The following TMEM17 variants were observed in gnomAD, a reference collection of about 807,000 sequenced individuals.
The protein encoded by TMEM17 is transmembrane protein 17.
Under a neutral mutation model 19.1 loss-of-function variants are expected in TMEM17, and 15 were observed. The observed-to-expected ratio is 0.78, with a 90% CI of 0.52 to 1.21. The LOEUF (loss-of-function observed/expected upper bound fraction) is 1.21. TMEM17 is among the 50% of genes most tolerant of loss of function. TMEM17 has a pLI of 0.00. For missense variants in TMEM17, 245 were observed against 242.3 expected (o/e 1.01, Z -0.07); for synonymous variants, 103 against 86.9 (o/e 1.19, Z -1.03).
At chr2:62,494,966 G>A in the TMEM17 span, among the ~76,000 whole-genome samples, 2 of 152,200 alleles carry the variant, frequency 1.3e-5, no homozygotes, top group African/African-American at 4.8e-5. Context: ...AGTGAGCCAA[G>A]ATCGTGCCAC....
At position 62,501,126 on chromosome 2, in the gene TMEM17, T is replaced by C. The variant is rs1390670724; in HGVS notation, c.*83A>G. 6.8e-7 allele frequency: 1 copy of C among 1,469,052 alleles called. No individual in the cohort carries two copies. Among genetic ancestry groups the C allele is most frequent in the Admixed American group, 2.1e-5 (1 of 47,594 alleles). 91.0% of individuals were successfully genotyped at this position (1,469,052 alleles called of 1,614,324 possible). On this transcript the variant is annotated 3_prime_UTR_variant, in exon 4 of 4. Transcript: ENST00000335390. The stretch of plus-strand genomic sequence containing the variant: ...TATACAATTCAAAACACTTGCTTTG[T>C]CCCTTTTCTCAGAGCTCTGATATTT...
the TMEM17 span, among the ~76,000 whole-genome samples, chr2:62,472,228 CA>C: frequency 6.6e-6 from 1 of 152,182 alleles, no homozygotes; most frequent in Non-Finnish European, 1.5e-5. Flanking sequence ...TATTTTCCAA[CA>C]AAAGCTCTGA....
chr2:62,471,765 G>C, the TMEM17 span, among the ~76,000 whole-genome samples: 1 of 152,254 alleles, frequency 6.6e-6, no homozygotes, highest in African/African-American at 2.4e-5. Context: ...TGGAAGCCAG[G>C]GTAGAAACAT....
chr2:62,481,804 T>C, the TMEM17 span, among the ~76,000 whole-genome samples: 1 of 151,972 alleles, frequency 6.6e-6, no homozygotes, highest in African/African-American at 2.4e-5. Context: ...CTATCGTCTT[T>C]GTGTCTAGTG....
the TMEM17 span, among the ~76,000 whole-genome samples, chr2:62,485,921 G>A: frequency 1.1e-3 from 162 of 152,242 alleles, 3 homozygotes; most frequent in African/African-American, 3.2e-3. Context: ...AGATTTGCAC[G>A]GAATTGACCT....
the TMEM17 span, among the ~76,000 whole-genome samples, chr2:62,466,712 C>G: frequency 4.6e-5 from 7 of 152,202 alleles, no homozygotes; most frequent in East Asian, 9.6e-4. Flanking sequence ...GGGACTGCAG[C>G]CTGGCAGGGC....
At chr2:62,470,958 A>G in the TMEM17 span, among the ~76,000 whole-genome samples, 1,739 of 152,320 alleles carry the variant, frequency 0.011, 36 homozygotes, top group African/African-American at 0.04. Flanking sequence ...AGTGAGATGT[A>G]GGTCCTCTCC....
chr2:62,477,979 C>G, the TMEM17 span, among the ~76,000 whole-genome samples: 38 of 152,312 alleles, frequency 2.5e-4, no homozygotes, highest in African/African-American at 8.9e-4. Context: ...TGCCTGGATC[C>G]TACAGCTCCC....
the TMEM17 span, among the ~76,000 whole-genome samples, chr2:62,480,937 T>C: frequency 6.6e-6 from 1 of 152,120 alleles, no homozygotes; most frequent in African/African-American, 2.4e-5. Context: ...GATTTTTTTT[T>C]CCATTTCTGT....
the TMEM17 span, among the ~76,000 whole-genome samples, chr2:62,457,334 G>A: frequency 1.8e-4 from 28 of 152,202 alleles, no homozygotes; most frequent in Non-Finnish European, 5.9e-5. The surrounding 1 kb of genome is among the most constrained non-coding windows in gnomAD (Gnocchi z 4.2). Context: ...AGCCAGGAGT[G>A]GACGGTTGCG....
chr2:62,476,857 G>GC, the TMEM17 span, among the ~76,000 whole-genome samples: 1 of 152,270 alleles, frequency 6.6e-6, no homozygotes, highest in South Asian at 2.1e-4. Flanking sequence ...CTGAGACTGA[G>GC]CCCCACAAGG....
the TMEM17 span, among the ~76,000 whole-genome samples, chr2:62,461,352 G>A: frequency 2.0e-5 from 3 of 152,176 alleles, no homozygotes; most frequent in African/African-American, 4.8e-5. Flanking sequence ...GCCCTCAGCC[G>A]CAGGCTCTGC....
chr2:62,460,924 G>T, the TMEM17 span, among the ~76,000 whole-genome samples: 1 of 152,226 alleles, frequency 6.6e-6, no homozygotes, highest in Non-Finnish European at 1.5e-5. Context: ...ACATTCAAAT[G>T]GCTGGCTAAC....
chr2:62,506,040 A>T lies in TMEM17; in HGVS notation c.90T>A (p.Asn30Lys). 6.2e-7 allele frequency: 1 copy of T among 1,610,462 alleles called. No homozygotes were observed. The highest frequency in any genetic ancestry group is 8.5e-7 in the Non-Finnish European group (1 of 1,178,534). ...SDSNRTGPES[N>K]EGPENEMVSS... ...GCCTCGGTCACTCACCCGGACCCTC[A>T]TTGGACTCTGGACCGGTCCGATTGG... Residue 30 changes from asparagine (N) to lysine (K), a missense_variant, in exon 1 of 4, where the codon AAT becomes AAA. Asn to Lys is a moderately conservative substitution (Grantham distance 94). Coordinates refer to ENST00000335390, the MANE Select transcript of TMEM17 (RefSeq NM_198276.3).
At chr2:62,499,105 A>G (rs1046591887), downstream of TMEM17, among the ~76,000 whole-genome samples, 2 of 152,186 alleles carry the variant, frequency 1.3e-5, no homozygotes, top group Admixed American at 1.3e-4. Context: ...CACTGTTACT[A>G]TATCTGCATT....
chr2:62,475,091 T>C, the TMEM17 span, among the ~76,000 whole-genome samples: 1 of 152,274 alleles, frequency 6.6e-6, no homozygotes, highest in African/African-American at 2.4e-5. Context: ...GGAGAAACAC[T>C]GCCTAGGGTT....
At chr2:62,498,720 AT>A (rs780676243), downstream of TMEM17, among the ~76,000 whole-genome samples, 7,641 of 141,306 alleles carry the variant, frequency 0.054, 449 homozygotes, top group East Asian at 0.14. Context: ...CGTCTCAAAA[AT>A]AAAATAAAAT....
the TMEM17 span, among the ~76,000 whole-genome samples, chr2:62,454,828 T>C: frequency 1.7e-4 from 26 of 152,128 alleles, no homozygotes; most frequent in Admixed American, 8.5e-4. Context: ...CTCAGCCTCC[T>C]GAGTAGCTGG....
the TMEM17 span, among the ~76,000 whole-genome samples, chr2:62,469,139 T>C: frequency 3.3e-5 from 5 of 152,254 alleles, no homozygotes; most frequent in African/African-American, 7.2e-5. Flanking sequence ...ATGTGTACAC[T>C]ATACAGGCAA....
Sources: allele counts gnomAD v4.1 joint callset (sites outside exome capture counted in the v4.1 genomes callset), GRCh38; gene constraint gnomAD v4.1.1; non-coding constraint Gnocchi (gnomAD v3.1); transcripts MANE v1.5; gene names NCBI Gene and HGNC (gene_info 2026-07-23, HGNC 2026-07-21).